TSPAN7: variants seen among roughly 807,000 people sequenced by gnomAD.
TSPAN7 encodes tetraspanin 7.
A neutral mutation model predicts 17.6 loss-of-function variants in TSPAN7; 1 was observed. The ratio of observed to expected loss-of-function variants is 0.06; its 90% CI spans 0.02 to 0.27. The LOEUF (loss-of-function observed/expected upper bound fraction) is 0.27. TSPAN7 is among the 10% of genes least tolerant of loss of function. The pLI is 1.00. For synonymous variants in TSPAN7, 78 were observed against 79.0 expected, an observed-to-expected ratio of 0.99 and a Z score of 0.07; for missense variants, 112 against 201.7, an observed-to-expected ratio of 0.56 and a Z score of 2.69.
chrX:38,686,544 G>A (rs1193913936), intron 6 of TSPAN7, among the ~76,000 whole-genome samples: 3 of 111,847 alleles, frequency 2.7e-5, no homozygotes, highest in Non-Finnish European at 3.8e-5. Flanking sequence ...GATCCCAGGC[G>A]ATCGTGATGC....
chrX:38,567,262 G>T (rs2069148224), intron 1 of TSPAN7, among the ~76,000 whole-genome samples: 1 of 112,257 alleles, frequency 8.9e-6, no homozygotes, highest in Non-Finnish European at 1.9e-5. Flanking sequence ...AAGGAAAGGG[G>T]TTTAATTGAC....
At chrX:38,593,006 T>C (rs898787752) in intron 1 of TSPAN7, among the ~76,000 whole-genome samples, 1 of 110,763 alleles carries the variant, frequency 9.0e-6, no homozygotes, top group African/African-American at 3.3e-5. Flanking sequence ...TTTACCTTTG[T>C]TTTTGAAAGA....
At chrX:38,601,505 T>A (rs1213738521) in intron 1 of TSPAN7, among the ~76,000 whole-genome samples, 2 of 112,055 alleles carry the variant, frequency 1.8e-5, no homozygotes, top group Non-Finnish European at 3.8e-5. Flanking sequence ...TTATGGAAAT[T>A]GGCATAAACC....
chrX:38,609,162 T>A (rs748658347), intron 1 of TSPAN7, among the ~76,000 whole-genome samples: 1 of 112,408 alleles, frequency 8.9e-6, no homozygotes, highest in East Asian at 2.8e-4. Context: ...TGTTTCAAAA[T>A]GAGCTTTCAT....
intron 1 of TSPAN7, among the ~76,000 whole-genome samples, chrX:38,650,838 T>C (rs2069671881): frequency 9.0e-6 from 1 of 110,915 alleles, no homozygotes; most frequent in South Asian, 3.8e-4. Context: ...ATGGAAGGAA[T>C]GCAACAGCTT....
At chrX:38,624,679 T>C (rs4141580) in intron 1 of TSPAN7, among the ~76,000 whole-genome samples, 38,499 of 111,469 alleles carry the variant, frequency 0.35, 5,114 homozygotes, top group East Asian at 0.68. Flanking sequence ...ATAAGTAGTG[T>C]TTTTAATCTT....
intron 6 of TSPAN7, among the ~76,000 whole-genome samples, chrX:38,685,504 CAGCTACTCAG>C (rs1274017264): frequency 9.0e-6 from 1 of 111,178 alleles, no homozygotes. Context: ...AATGTAATCC[CAGCTACTCAG>C]GAGGCTGAGG....
intron 1 of TSPAN7, among the ~76,000 whole-genome samples, chrX:38,574,924 A>G (rs1223804099): frequency 9.0e-6 from 1 of 110,585 alleles, no homozygotes; most frequent in African/African-American, 3.3e-5. Flanking sequence ...CGTCTAATTA[A>G]TAGAATATAA....
At chrX:38,616,119 G>T (rs1419872831) in intron 1 of TSPAN7, among the ~76,000 whole-genome samples, 1 of 112,473 alleles carries the variant, frequency 8.9e-6, no homozygotes, top group East Asian at 2.8e-4. Context: ...GTGTGTAATT[G>T]TGGGTTCTGA....
Position 38,614,484 on chromosome X carries a change from T to C in TSPAN7, c.82-51637T>C, listed in dbSNP as rs752447131. The stretch of plus-strand genomic sequence containing the variant: ...CTGTGAAGGTTTTTACCAAGTCCAG[T>C]TCTTCCCATACACCAGGGGCCGAGT... On this transcript the variant is annotated intron_variant, in intron 1 of 7. Transcript: ENST00000378482. Among the ~76,000 whole-genome samples, 4 of 112,857 alleles carry C rather than the reference T, an allele frequency of 3.5e-5. No individual in the cohort carries two copies. In the South Asian group the frequency reaches 1.5e-3, roughly 42 times the overall value.
At chrX:38,649,564 T>C (rs2069664924) in intron 1 of TSPAN7, among the ~76,000 whole-genome samples, 1 of 111,097 alleles carries the variant, frequency 9.0e-6, no homozygotes. Flanking sequence ...TGCACCCTCC[T>C]TGTAGGCCCC....
chrX:38,654,347 C>T (rs1262757528), intron 1 of TSPAN7, among the ~76,000 whole-genome samples: 1 of 112,428 alleles, frequency 8.9e-6, no homozygotes, highest in Non-Finnish European at 1.9e-5. Context: ...CCATCAGCTA[C>T]AGACCTCATA....
At chrX:38,564,626 C>G (rs1445798751) in intron 1 of TSPAN7, among the ~76,000 whole-genome samples, 1 of 112,299 alleles carries the variant, frequency 8.9e-6, no homozygotes, top group Admixed American at 9.4e-5. Flanking sequence ...TCTCCACATC[C>G]TTGCCAACAT....
chrX:38,666,427 C>A, intron 2 of TSPAN7, 118 bp downstream of exon 2: 3 of 773,785 alleles, frequency 3.9e-6, no homozygotes, highest in Non-Finnish European at 5.7e-6. Context: ...AATTTCAGTC[C>A]AGACTCTTTC....
At chrX:38,654,834 G>A (rs2069693345) in intron 1 of TSPAN7, among the ~76,000 whole-genome samples, 2 of 112,361 alleles carry the variant, frequency 1.8e-5, no homozygotes, top group Admixed American at 9.4e-5. Flanking sequence ...GTGCAGTGGC[G>A]AAAGATAAAG....
chrX:38,632,138 T>C (rs2069554983), intron 1 of TSPAN7, among the ~76,000 whole-genome samples: 3 of 111,832 alleles, frequency 2.7e-5, no homozygotes, highest in Admixed American at 9.5e-5. Context: ...TCTCACCTTC[T>C]AATTATGCTA....
At chrX:38,587,665 C>A (rs2069266162) in intron 1 of TSPAN7, among the ~76,000 whole-genome samples, 1 of 111,459 alleles carries the variant, frequency 9.0e-6, no homozygotes, top group Non-Finnish European at 1.9e-5. Context: ...TAATATTAAT[C>A]TAAAGATTCT....
intron 2 of TSPAN7, among the ~76,000 whole-genome samples, chrX:38,666,895 C>T (rs1209268043): frequency 1.8e-5 from 2 of 112,013 alleles, no homozygotes; most frequent in African/African-American, 6.5e-5. Context: ...CCATCGTGCC[C>T]GGCCTCGCCC....
chrX:38,651,229 G>T (rs1194342173), intron 1 of TSPAN7, among the ~76,000 whole-genome samples: 2 of 110,855 alleles, frequency 1.8e-5, no homozygotes, highest in Non-Finnish European at 3.8e-5. Context: ...ACTTTGGGAG[G>T]CCGAGGCGGG....
Sources: allele counts gnomAD v4.1 joint callset (sites outside exome capture counted in the v4.1 genomes callset), GRCh38; gene constraint gnomAD v4.1.1; transcripts MANE v1.5; gene names NCBI Gene and HGNC (gene_info 2026-07-23, HGNC 2026-07-21).